Variants in UNC13C observed in about 807,000 individuals in gnomAD.
UNC13C encodes unc-13 homolog C, also known as protein unc-13 homolog C.
Under a neutral mutation model 245.4 loss-of-function variants are expected in UNC13C, and 174 were observed. That is an observed-to-expected ratio of 0.71 (90% CI 0.63 to 0.80). UNC13C has a LOEUF of 0.80. Among genes scored for constraint, UNC13C ranks in the 30% least tolerant of loss-of-function variants. The pLI is 0.00. For missense variants in UNC13C, 2,829 were observed against 2,602.9 expected (o/e 1.09, Z -1.89); for synonymous variants, 992 against 895.1 (o/e 1.11, Z -1.93).
chr15:54,098,723 C>A (rs1430116371), intron 2 of UNC13C, among the ~76,000 whole-genome samples: 1 of 151,956 alleles, frequency 6.6e-6, no homozygotes, highest in African/African-American at 2.4e-5. Context: ...AACTTTTTAC[C>A]ATAGGTACAC....
At chr15:54,056,763 C>T (rs8034583) in intron 2 of UNC13C, among the ~76,000 whole-genome samples, 104,373 of 152,048 alleles carry the variant, frequency 0.69, 36,162 homozygotes, top group African/African-American at 0.77. Flanking sequence ...GCTGATCTCT[C>T]GGCAGAAACT....
At chr15:53,974,175 T>A (rs566378846), upstream of UNC13C, among the ~76,000 whole-genome samples, 17 of 152,314 alleles carry the variant, frequency 1.1e-4, no homozygotes, top group South Asian at 1.0e-3. Flanking sequence ...TTTAAGGGTG[T>A]TAAGTTTTAG....
At position 54,521,289 on chromosome 15, in the gene UNC13C, A is replaced by T. The variant is rs368316350; in HGVS notation, c.5458-4260A>T. ...CCTGATTTGCACTTCTTTACAGAAAATAACCGATAACACTGATGAGCTGAA... is the reference window on the plus strand; with the variant it reads ...CCTGATTTGCACTTCTTTACAGAAATTAACCGATAACACTGATGAGCTGAA... On this transcript the variant is annotated intron_variant, in intron 24 of 32. Transcript: ENST00000260323. Among the ~76,000 whole-genome samples, 51 of 152,328 alleles carry T rather than the reference A, an allele frequency of 3.3e-4. No homozygotes were observed. The East Asian group carries it at 5.6e-3, about 17-fold the overall frequency.
chr15:53,848,664 T>A, the UNC13C span, among the ~76,000 whole-genome samples: 1 of 152,182 alleles, frequency 6.6e-6, no homozygotes, highest in African/African-American at 2.4e-5. Context: ...TTAGGTCTTG[T>A]GTGTTTCTAT....
chr15:54,320,633 C>T, intron 13 of UNC13C: 1 of 238,474 alleles, frequency 4.2e-6, no homozygotes, highest in Non-Finnish European at 8.3e-6. Context: ...ACCACTGTGC[C>T]CAGCTGAATT....
intron 2 of UNC13C, among the ~76,000 whole-genome samples, chr15:54,032,079 G>A (rs1896380873): frequency 6.6e-6 from 1 of 152,194 alleles, no homozygotes; most frequent in Non-Finnish European, 1.5e-5. Flanking sequence ...CTTAAAGACT[G>A]AGGATGATTA....
intron 1 of UNC13C, among the ~76,000 whole-genome samples, chr15:54,004,277 G>T (rs139069317): frequency 2.8e-4 from 42 of 152,154 alleles, no homozygotes; most frequent in East Asian, 5.8e-4. Context: ...GTCTTTCTGC[G>T]CCTGGCTTAT....
intron 2 of UNC13C, among the ~76,000 whole-genome samples, chr15:54,060,941 G>A (rs1009972450): frequency 2.0e-5 from 3 of 152,036 alleles, no homozygotes; most frequent in African/African-American, 7.3e-5. Context: ...CACAGGAAGG[G>A]GAACATCACA....
At chr15:54,589,511 C>T (rs539069943) in intron 30 of UNC13C, among the ~76,000 whole-genome samples, 2 of 151,906 alleles carry the variant, frequency 1.3e-5, no homozygotes, top group Admixed American at 1.3e-4. Flanking sequence ...GTTGACCAGG[C>T]TGGTCTTGAA....
chr15:54,378,924 G>A (rs1052153374), intron 17 of UNC13C, among the ~76,000 whole-genome samples: 2 of 151,946 alleles, frequency 1.3e-5, no homozygotes, highest in South Asian at 4.1e-4. Context: ...ACTTTGAAAT[G>A]CAGTTTTGGC....
chr15:54,158,233 T>C (rs551131209), intron 4 of UNC13C, among the ~76,000 whole-genome samples: 5 of 152,352 alleles, frequency 3.3e-5, no homozygotes, highest in African/African-American at 1.2e-4. Flanking sequence ...TCAGAGATTC[T>C]TCCCTTTCTA....
intron 2 of UNC13C, among the ~76,000 whole-genome samples, chr15:54,111,650 G>A (rs1184920552): frequency 6.6e-6 from 1 of 152,178 alleles, no homozygotes; most frequent in East Asian, 1.9e-4. Context: ...ATGTTTCCAT[G>A]TTATTTGCTC....
At chr15:54,452,126 C>G (rs573861360) in intron 19 of UNC13C, among the ~76,000 whole-genome samples, 1 of 152,298 alleles carries the variant, frequency 6.6e-6, no homozygotes, top group East Asian at 1.9e-4. Context: ...GAGGCATCAC[C>G]TGGGTGAGTC....
intron 30 of UNC13C, among the ~76,000 whole-genome samples, chr15:54,584,206 T>C (rs1898358160): frequency 6.6e-6 from 1 of 152,162 alleles, no homozygotes; most frequent in Admixed American, 6.5e-5. Flanking sequence ...AACCTAAATA[T>C]ATAAATCGCA....
rs577523153 is a variant in UNC13C, at chr15:54,527,708, C to T, written c.5546+2071C>T. 1.1e-3 allele frequency among the ~76,000 whole-genome samples: 166 copies of T among 152,240 alleles called. 1 individual carries two copies. Among genetic ancestry groups the T allele is most frequent in the African/African-American group, 3.9e-3 (162 of 41,534 alleles). ...AGCTATTTTAGCCTAAACAGTAAAA[C>T]CTGCGGCTACCCAGAATCCATTTAT... On this transcript the variant is annotated intron_variant, in intron 25 of 32. Coordinates refer to ENST00000260323, the MANE Select transcript of UNC13C (RefSeq NM_001080534.3).
At chr15:53,910,729 G>C in the UNC13C span, 1 of 147,006 alleles carries the variant, frequency 6.8e-6, no homozygotes, top group Non-Finnish European at 1.5e-5. Flanking sequence ...AGACAGCCGA[G>C]ATACGGGCGA....
intron 25 of UNC13C, among the ~76,000 whole-genome samples, chr15:54,526,006 G>T (rs1420519743): frequency 1.3e-5 from 2 of 152,092 alleles, no homozygotes; most frequent in Admixed American, 6.6e-5. Flanking sequence ...GAAGAAAAGA[G>T]AAAAACTTCA....
At chr15:53,889,312 C>T in the UNC13C span, among the ~76,000 whole-genome samples, 1 of 152,104 alleles carries the variant, frequency 6.6e-6, no homozygotes, top group African/African-American at 2.4e-5. Context: ...CTCTTAGTAG[C>T]AGTTGTCAAT....
chr15:54,344,883 A>G (rs542684265), intron 17 of UNC13C, among the ~76,000 whole-genome samples: 1 of 152,180 alleles, frequency 6.6e-6, no homozygotes, highest in Non-Finnish European at 1.5e-5. Context: ...GGATTACTAC[A>G]TAACTTCCTA....
Sources: gnomAD v4.1 joint callset for allele counts (sites outside exome capture counted in the v4.1 genomes callset) on GRCh38, gnomAD v4.1.1 for gene constraint, MANE v1.5 for transcripts, NCBI Gene and HGNC (gene_info 2026-07-23, HGNC 2026-07-21) for gene names.